ANKS1A: variants seen among roughly 807,000 people sequenced by gnomAD.
ANKS1A encodes ankyrin repeat and SAM domain-containing protein 1A.
In ANKS1A, 55 loss-of-function variants were observed where a neutral mutation model predicts 120.3. The ratio of observed to expected loss-of-function variants is 0.46; its 90% CI spans 0.37 to 0.57. The LOEUF is 0.57. ANKS1A is among the 20% of genes least tolerant of loss of function. The pLI, the probability that ANKS1A is intolerant of heterozygous loss-of-function variation, is 0.00. For synonymous variants in ANKS1A, 590 were observed against 604.7 expected, an observed-to-expected ratio of 0.98 and a Z score of 0.36; for missense variants, 1,123 against 1,480.3, an observed-to-expected ratio of 0.76 and a Z score of 3.96.
chr6:35,002,232 G>C (rs918537984), intron 10 of ANKS1A, among the ~76,000 whole-genome samples: 1 of 151,832 alleles, frequency 6.6e-6, no homozygotes, highest in Non-Finnish European at 1.5e-5. Context: ...ATTCTAGTGC[G>C]CCCAACCTCC....
chr6:35,097,924 A>T, the ANKS1A span, among the ~76,000 whole-genome samples: 44 of 152,350 alleles, frequency 2.9e-4, no homozygotes, highest in South Asian at 7.9e-3. Context: ...CTTTCACTGG[A>T]TTAGTTATTG....
chr6:34,921,963 T>C (rs1033006905), intron 1 of ANKS1A, among the ~76,000 whole-genome samples: 2 of 151,838 alleles, frequency 1.3e-5, no homozygotes, highest in African/African-American at 4.8e-5. Flanking sequence ...CTCAAGGTAC[T>C]GGGACTACAG....
Position 35,082,982 on chromosome 6 carries a change from C to T in ANKS1A, c.2835+166C>T, listed in dbSNP as rs1777771625. On this transcript the variant is annotated intron_variant, in intron 18 of 23. Transcript: ENST00000360359. The surrounding 1 kb of genome is among the most constrained non-coding windows in gnomAD (Gnocchi z 4.1). ...AGCTAAGGCGAAGGGGTGGAGGCCT[C>T]TGGATCCTTTAGCTAGGGAGTTGAA... Among the ~76,000 whole-genome samples, 1 of 152,196 alleles carries T rather than the reference C, an allele frequency of 6.6e-6. No homozygotes were observed. Among genetic ancestry groups the T allele is most frequent in the Non-Finnish European group, 1.5e-5 (1 of 68,026 alleles).
intron 1 of ANKS1A, among the ~76,000 whole-genome samples, chr6:34,936,630 A>T (rs1769268998): frequency 6.6e-6 from 1 of 152,126 alleles, no homozygotes; most frequent in African/African-American, 2.4e-5. Context: ...CATATTTTTA[A>T]ACACACCCTG....
chr6:35,017,421 G>T, intron 10 of ANKS1A, 52 bp from the exon 11 acceptor site: 1 of 1,533,900 alleles, frequency 6.5e-7, no homozygotes. Flanking sequence ...GAACTTTGTT[G>T]ATTTTTGCCA....
In ANKS1A at chr6:35,089,594, C is replaced by T. The variant is rs1778191176; in HGVS notation, c.*985C>T. On this transcript the variant is annotated 3_prime_UTR_variant, in exon 24 of 24. Coordinates refer to ENST00000360359, the MANE Select transcript of ANKS1A (RefSeq NM_015245.3). Reference sequence around the variant, plus strand: ...CTGAATTATCGGTTTGACGGTTACACTTGGCTGCTGGGCCCATCCCTGGCC... The same window carrying T: ...CTGAATTATCGGTTTGACGGTTACATTTGGCTGCTGGGCCCATCCCTGGCC... The T allele has an allele frequency of 1.0e-6, 1 of 986,578 alleles. No individual in the cohort carries two copies. Among genetic ancestry groups the T allele is most frequent in the Non-Finnish European group, 1.2e-6 (1 of 830,470 alleles). 61.1% of individuals were successfully genotyped at this position (986,578 alleles called of 1,614,324 possible). A position where few individuals can be genotyped will look rare whatever the true frequency, so the allele number is the denominator to read the frequency against.
At chr6:34,905,557 C>T (rs530256349) in intron 1 of ANKS1A, among the ~76,000 whole-genome samples, 4 of 152,338 alleles carry the variant, frequency 2.6e-5, no homozygotes, top group South Asian at 2.1e-4. Context: ...ACCTTCACAA[C>T]ATGCCTGCAA....
chr6:35,088,391 C>T (rs749460478), intron 23 of ANKS1A, among the ~76,000 whole-genome samples: 2 of 152,166 alleles, frequency 1.3e-5, no homozygotes, highest in African/African-American at 4.8e-5. Context: ...GTGGGTCCTG[C>T]GTACCCACCC....
chr6:34,910,300 G>A (rs982248967), intron 1 of ANKS1A, among the ~76,000 whole-genome samples: 5 of 152,050 alleles, frequency 3.3e-5, no homozygotes, highest in African/African-American at 4.8e-5. Flanking sequence ...ACAGTGGCTC[G>A]TGCCCTGTAA....
intron 11 of ANKS1A, among the ~76,000 whole-genome samples, chr6:35,022,727 G>A (rs1284306102): frequency 6.6e-6 from 1 of 152,032 alleles, no homozygotes; most frequent in East Asian, 1.9e-4. Flanking sequence ...ATAAGGAGTG[G>A]GAAATTCACC....
chr6:34,968,265 G>A (rs1770994836), intron 2 of ANKS1A, among the ~76,000 whole-genome samples: 2 of 152,202 alleles, frequency 1.3e-5, no homozygotes, highest in Admixed American at 1.3e-4. Flanking sequence ...ATAGGCTTAA[G>A]TGATTGGGCA....
downstream of ANKS1A, among the ~76,000 whole-genome samples, chr6:35,094,673 G>C (rs1483101432): frequency 6.6e-6 from 1 of 152,070 alleles, no homozygotes; most frequent in East Asian, 1.9e-4. Context: ...AGAGTGGAGT[G>C]GATGGGAAAG....
At chr6:34,993,327 A>G (rs1772674672) in intron 9 of ANKS1A, among the ~76,000 whole-genome samples, 1 of 152,236 alleles carries the variant, frequency 6.6e-6, no homozygotes, top group Admixed American at 6.5e-5. Flanking sequence ...TTCAAGGGAA[A>G]GCGTGGCTAC....
rs1357279481 is a variant in ANKS1A, at chr6:35,050,885, C to T, written c.2011-3214C>T. ...GGGTTACAGGCTGTGAGTCCATTGC[C>T]GAGGACCCTGAGTTTTTCTGGAACT... On this transcript the variant is annotated intron_variant, in intron 11 of 23. Transcript: ENST00000360359. This position sits in a 1 kb window ranked among gnomAD's most constrained non-coding sequence, Gnocchi z 4.3. Among the ~76,000 whole-genome samples the T allele has an allele frequency of 1.3e-5, 2 of 152,076 alleles. No homozygotes were observed. Among genetic ancestry groups the T allele is most frequent in the East Asian group, 1.9e-4 (1 of 5,186 alleles).
chr6:34,949,696 A>C (rs1353214205), intron 1 of ANKS1A, among the ~76,000 whole-genome samples: 1 of 152,232 alleles, frequency 6.6e-6, no homozygotes, highest in Non-Finnish European at 1.5e-5. Flanking sequence ...GTAGGAGTAC[A>C]TAACTGTTAG....
chr6:34,954,238 A>G (rs746228978), intron 1 of ANKS1A, among the ~76,000 whole-genome samples: 3 of 152,130 alleles, frequency 2.0e-5, no homozygotes, highest in Non-Finnish European at 4.4e-5. Flanking sequence ...ATTGAGAGGG[A>G]GCCGGTGTCT....
intron 11 of ANKS1A, among the ~76,000 whole-genome samples, chr6:35,049,920 C>A (rs539827067): frequency 6.6e-6 from 1 of 152,314 alleles, no homozygotes; most frequent in East Asian, 1.9e-4. Context: ...CACTTCCTGG[C>A]ACACAGAAGA....
At chr6:35,073,978 A>G (rs1777209252) in intron 13 of ANKS1A, among the ~76,000 whole-genome samples, 1 of 152,242 alleles carries the variant, frequency 6.6e-6, no homozygotes, top group Non-Finnish European at 1.5e-5. Flanking sequence ...GTGCTCTGGC[A>G]ATGGTTTGCC....
chr6:35,086,373 T>C lies in ANKS1A; in HGVS notation c.3303+437T>C. On this transcript the variant is annotated intron_variant, in intron 22 of 23. Coordinates refer to ENST00000360359, the MANE Select transcript of ANKS1A (RefSeq NM_015245.3). The surrounding 1 kb of genome is among the most constrained non-coding windows in gnomAD (Gnocchi z 5.1). Reference sequence around the variant, plus strand: ...TCTGTTAGTCCTGGAGTCAAGGTCTTTACGCCTCCTGCTGTCTTGTGTGTC... The same window carrying C: ...TCTGTTAGTCCTGGAGTCAAGGTCTCTACGCCTCCTGCTGTCTTGTGTGTC... 1 of 1,294,776 alleles carries C rather than the reference T, an allele frequency of 7.7e-7. No homozygotes were observed. The highest frequency in any genetic ancestry group is 1.0e-6 in the Non-Finnish European group (1 of 992,346). 80.2% of individuals were successfully genotyped at this position (1,294,776 alleles called of 1,614,324 possible).
Sources: allele counts gnomAD v4.1 joint callset (sites outside exome capture counted in the v4.1 genomes callset), GRCh38; gene constraint gnomAD v4.1.1; non-coding constraint Gnocchi (gnomAD v3.1); transcripts MANE v1.5; gene names NCBI Gene and HGNC (gene_info 2026-07-23, HGNC 2026-07-21).